CELF2: variants seen among roughly 807,000 people sequenced by gnomAD.
The protein encoded by CELF2 is CUG triplet repeat RNA-binding protein 2.
Under a neutral mutation model 62.6 loss-of-function variants are expected in CELF2, and 8 were observed. That is an observed-to-expected ratio of 0.13 (90% confidence interval 0.07 to 0.23). The LOEUF (loss-of-function observed/expected upper bound fraction) is 0.23. Among genes scored for constraint, CELF2 ranks in the 10% least tolerant of loss-of-function variants. The pLI is 1.00. For synonymous variants in CELF2, 258 were observed against 250.0 expected (o/e 1.03, Z -0.30); for missense variants, 333 against 671.0 (o/e 0.50, Z 5.56).
rs369679120 is a variant in CELF2, at chr10:10,934,984, G to A, written c.89+14985G>A. On this transcript the variant is annotated intron_variant, in intron 2 of 13. Coordinates refer to the CELF2 transcript ENST00000636488. This position sits in a 1 kb window ranked among gnomAD's most constrained non-coding sequence, Gnocchi z 4.4. ...TTAATTTCTTCTGGTAATTTCTCAGGAGAAAACGGAAAAAGGACTTCTCTG... is the reference window on the plus strand; with the variant it reads ...TTAATTTCTTCTGGTAATTTCTCAGAAGAAAACGGAAAAAGGACTTCTCTG... The A allele has an allele frequency of 5.9e-5, 9 of 152,294 alleles. No individual in the cohort carries two copies. The highest frequency in any genetic ancestry group is 2.2e-4 in the African/African-American group (9 of 41,572). The allele number at this position is 152,294 out of a possible 1,614,324, so 9.4% of individuals were successfully genotyped here. A position where few individuals can be genotyped will look rare whatever the true frequency, so the allele number is the denominator to read the frequency against.
rs1405810364 is a variant in CELF2, at chr10:11,328,887, T to C, written c.1439-39T>C. 1.3e-6 allele frequency: 2 copies of C among 1,588,104 alleles called. No individual in the cohort carries two copies. The highest frequency in any genetic ancestry group is 2.3e-5 in the East Asian group (1 of 44,088). Reference sequence around the variant, plus strand: ...CCCCCTTTTCTGTTTTCTGCTGGGCTTCCTCTCCAGGCTGACTCCCTCTCT... The same window carrying C: ...CCCCCTTTTCTGTTTTCTGCTGGGCCTCCTCTCCAGGCTGACTCCCTCTCT... On this transcript the variant is annotated intron_variant, in intron 12 of 12. Coordinates refer to ENST00000633077, the MANE Select transcript of CELF2 (RefSeq NM_001326342.2). This position sits in a 1 kb window ranked among gnomAD's most constrained non-coding sequence, Gnocchi z 6.4.
At chr10:10,647,758 A>T in the CELF2 span, among the ~76,000 whole-genome samples, 3 of 152,218 alleles carry the variant, frequency 2.0e-5, no homozygotes, top group Non-Finnish European at 4.4e-5. Flanking sequence ...CATGATAAAC[A>T]TCATCATTTA....
the CELF2 span, among the ~76,000 whole-genome samples, chr10:10,611,066 G>A: frequency 1.3e-5 from 2 of 152,178 alleles, no homozygotes; most frequent in African/African-American, 2.4e-5. Flanking sequence ...TATGATGTGA[G>A]TTGGAAAGGA....
chr10:10,601,082 G>A, the CELF2 span, among the ~76,000 whole-genome samples: 68 of 152,320 alleles, frequency 4.5e-4, 1 homozygote, highest in East Asian at 0.01. Context: ...CAGAACCATA[G>A]CTTTTCCATA....
intron 1 of CELF2, among the ~76,000 whole-genome samples, chr10:10,868,216 A>G (rs1019667705): frequency 2.6e-5 from 4 of 152,078 alleles, no homozygotes; most frequent in Admixed American, 2.0e-4. Flanking sequence ...GGCATTTCTT[A>G]CTGGGCTCTC....
intron 3 of CELF2, among the ~76,000 whole-genome samples, chr10:11,248,248 G>C (rs925667604): frequency 6.6e-6 from 1 of 152,194 alleles, no homozygotes; most frequent in Non-Finnish European, 1.5e-5. Context: ...AATGGTGGCA[G>C]CATTGTGTGC....
the CELF2 span, among the ~76,000 whole-genome samples, chr10:10,634,666 C>CTTT: frequency 1.2e-4 from 17 of 140,988 alleles, no homozygotes; most frequent in Admixed American, 6.4e-4. Flanking sequence ...CTTTTCTTTT[C>CTTT]TTTTTTTTTT....
chr10:10,810,205 C>T (rs894913332), intron 1 of CELF2, among the ~76,000 whole-genome samples: 3 of 152,112 alleles, frequency 2.0e-5, no homozygotes, highest in South Asian at 2.1e-4. Flanking sequence ...ATGAGTCAGG[C>T]ATAAATACAA....
Position 10,879,287 on chromosome 10 carries a change from T to G in CELF2, c.54-40677T>G, listed in dbSNP as rs557475693. Among the ~76,000 whole-genome samples, 19 of 152,280 alleles carry G rather than the reference T, an allele frequency of 1.2e-4. 1 individual carries two copies. The East Asian group carries it at 3.7e-3, about 29-fold the overall frequency. On this transcript the variant is annotated intron_variant, in intron 1 of 13. Coordinates refer to the CELF2 transcript ENST00000636488. ...CTGGCTGCTCCTGTGTCTCCCAGAGTGCCCGCTCCTGGACATTTCTCCAAC... is the reference window on the plus strand; with the variant it reads ...CTGGCTGCTCCTGTGTCTCCCAGAGGGCCCGCTCCTGGACATTTCTCCAAC...
intron 1 of CELF2, among the ~76,000 whole-genome samples, chr10:11,130,074 C>A (rs529448875): frequency 3.6e-4 from 55 of 152,286 alleles, no homozygotes; most frequent in Middle Eastern, 3.4e-3. Context: ...TACATTGTGT[C>A]TTGGTTCTCA....
At chr10:10,525,151 T>A in the CELF2 span, among the ~76,000 whole-genome samples, 1 of 152,216 alleles carries the variant, frequency 6.6e-6, no homozygotes, top group Admixed American at 6.5e-5. Context: ...AATTAAAATC[T>A]ATGCTCTTAG....
the CELF2 span, among the ~76,000 whole-genome samples, chr10:10,506,473 CT>C: frequency 6.6e-6 from 1 of 152,054 alleles, no homozygotes; most frequent in Non-Finnish European, 1.5e-5. Context: ...TCAAACTTCA[CT>C]GTCAAGAGAC....
chr10:10,845,121 G>T (rs1452626598), intron 1 of CELF2, among the ~76,000 whole-genome samples: 1 of 152,136 alleles, frequency 6.6e-6, no homozygotes, highest in Admixed American at 6.6e-5. Flanking sequence ...TTTATTTAAT[G>T]ATGAATGGTT....
the CELF2 span, among the ~76,000 whole-genome samples, chr10:10,465,766 G>T: frequency 6.6e-6 from 1 of 152,002 alleles, no homozygotes; most frequent in Non-Finnish European, 1.5e-5. Context: ...TAACTTGTAA[G>T]GAAAAGAGAT....
intron 1 of CELF2, among the ~76,000 whole-genome samples, chr10:10,801,908 C>T (rs781053862): frequency 7.2e-5 from 11 of 152,188 alleles, no homozygotes; most frequent in Non-Finnish European, 1.0e-4. Flanking sequence ...TATTTGAAAT[C>T]GCTCCATCCT....
chr10:10,971,503 G>A (rs2050748576), intron 2 of CELF2, among the ~76,000 whole-genome samples: 1 of 152,196 alleles, frequency 6.6e-6, no homozygotes, highest in Admixed American at 6.6e-5. Context: ...ACCAGCCTAT[G>A]TGCCTGTCCT....
Position 11,280,780 on chromosome 10 carries a change from C to T in CELF2, c.841+5660C>T, listed in dbSNP as rs934916342. Among the ~76,000 whole-genome samples the T allele has an allele frequency of 6.6e-6, 1 of 152,112 alleles. No homozygotes were observed. The highest frequency in any genetic ancestry group is 1.5e-5 in the Non-Finnish European group (1 of 68,014). ...GTGGGGGAAACGGTGCCCTCACTGC[C>T]CTCCAGCCTCAGTCCTGGTTGGAGT... On this transcript the variant is annotated intron_variant, in intron 8 of 12. Coordinates refer to ENST00000633077, the MANE Select transcript of CELF2 (RefSeq NM_001326342.2). The surrounding 1 kb of genome is among the most constrained non-coding windows in gnomAD (Gnocchi z 7.6).
At chr10:11,014,758 A>G (rs2056999994), upstream of CELF2, among the ~76,000 whole-genome samples, 2 of 152,176 alleles carry the variant, frequency 1.3e-5, no homozygotes, top group African/African-American at 4.8e-5. Flanking sequence ...GGCCTCATAT[A>G]AAATGAGGTC....
intron 1 of CELF2, among the ~76,000 whole-genome samples, chr10:11,106,979 C>T (rs2053662267): frequency 6.6e-6 from 1 of 152,256 alleles, no homozygotes; most frequent in Admixed American, 6.5e-5. Context: ...TTGTTATCCC[C>T]TGCTGGTGCC....
Sources: gnomAD v4.1 joint callset for allele counts (sites outside exome capture counted in the v4.1 genomes callset) on GRCh38, gnomAD v4.1.1 for gene constraint, Gnocchi (gnomAD v3.1) non-coding constraint, MANE v1.5 for transcripts, NCBI Gene and HGNC (gene_info 2026-07-23, HGNC 2026-07-21) for gene names.